STK10: variants seen among roughly 807,000 people sequenced by gnomAD.
STK10 encodes serine/threonine-protein kinase 10.
Under a neutral mutation model 113.8 loss-of-function variants are expected in STK10, and 78 were observed. The observed-to-expected ratio is 0.69, with a 90% CI of 0.57 to 0.83. The LOEUF is 0.83. STK10 is among the 40% of genes least tolerant of loss of function. STK10 has a pLI of 0.00. For missense variants in STK10, 1,109 were observed against 1,280.1 expected (o/e 0.87, Z 2.04); for synonymous variants, 465 against 494.7 (o/e 0.94, Z 0.80).
At position 172,133,040 on chromosome 5, in the gene STK10, A is replaced by G. The variant is rs1431157718; in HGVS notation, c.322-5619T>C. Reference sequence around the variant, plus strand: ...AGGGTAAAGGCACTCCTGGCAGAACACAGAAGCAGAGGTGGGGCAGCAGGG... The same window carrying G: ...AGGGTAAAGGCACTCCTGGCAGAACGCAGAAGCAGAGGTGGGGCAGCAGGG... On this transcript the variant is annotated intron_variant, in intron 2 of 18. Coordinates refer to ENST00000176763, the MANE Select transcript of STK10 (RefSeq NM_005990.4). This position sits in a 1 kb window ranked among gnomAD's most constrained non-coding sequence, Gnocchi z 4.9. Among the ~76,000 whole-genome samples the G allele has an allele frequency of 2.0e-5, 3 of 152,232 alleles. No homozygotes were observed. Among genetic ancestry groups the G allele is most frequent in the African/African-American group, 4.8e-5 (2 of 41,466 alleles).
At chr5:172,101,193 A>G (rs58884872) in intron 7 of STK10, among the ~76,000 whole-genome samples, 15,603 of 152,192 alleles carry the variant, frequency 0.1, 2,662 homozygotes, top group African/African-American at 0.36. Flanking sequence ...AATTTTGGCC[A>G]GGCGTGGTGG....
chr5:172,166,984 A>AC, intron 1 of STK10, among the ~76,000 whole-genome samples: 1 of 151,994 alleles, frequency 6.6e-6, no homozygotes, highest in South Asian at 2.1e-4. Context: ...ACATAGTGAA[A>AC]CCCCGTCTCT....
chr5:172,108,940 A>G (rs553195198), intron 4 of STK10, among the ~76,000 whole-genome samples: 3 of 152,018 alleles, frequency 2.0e-5, no homozygotes, highest in Admixed American at 6.6e-5. Flanking sequence ...ATGTGCCGAC[A>G]TGCCCAGCTA....
In STK10 at chr5:172,063,509, A is replaced by G. The variant is rs572165292; in HGVS notation, c.2082+1211T>C. On this transcript the variant is annotated intron_variant, in intron 13 of 18. Transcript: ENST00000176763. ...ATTTTCAGATTCCCTCAGGATTTCT[A>G]GAAGCAGAAAATCCAAGCCAAAGGA... The G allele has an allele frequency of 2.0e-5, 3 of 152,334 alleles. No individual in the cohort carries two copies. The South Asian group carries it at 6.2e-4, about 32-fold the overall frequency. 9.4% of individuals were successfully genotyped at this position (152,334 alleles called of 1,614,324 possible).
chr5:172,043,330 G>C lies in STK10; in HGVS notation c.*1552C>G, dbSNP rs965852142. ...GGCTAGTCTCGAACTCCTCACCTCA[G>C]GTGAGTCACCATGCCCGGCCTAAAA... On this transcript the variant is annotated 3_prime_UTR_variant, in exon 19 of 19. Coordinates refer to ENST00000176763, the MANE Select transcript of STK10 (RefSeq NM_005990.4). The C allele has an allele frequency of 3.3e-5, 5 of 152,068 alleles. No homozygotes were observed. Among genetic ancestry groups the C allele is most frequent in the African/African-American group, 1.2e-4 (5 of 41,404 alleles). The allele number at this position is 152,068 out of a possible 1,614,324, so 9.4% of individuals were successfully genotyped here. A position where few individuals can be genotyped will look rare whatever the true frequency, so the allele number is the denominator to read the frequency against.
At chr5:172,078,064 T>C (rs1383890558) in intron 12 of STK10, among the ~76,000 whole-genome samples, 1 of 152,164 alleles carries the variant, frequency 6.6e-6, no homozygotes, top group Admixed American at 6.5e-5. Flanking sequence ...TCAAGGGCAA[T>C]AGGCCAGACC....
At chr5:172,136,382 G>A (rs993582382) in intron 2 of STK10, among the ~76,000 whole-genome samples, 7 of 152,214 alleles carry the variant, frequency 4.6e-5, no homozygotes, top group African/African-American at 1.7e-4. Flanking sequence ...GGACACGTGA[G>A]GTCAGGAGTT....
At chr5:172,137,924 G>C (rs926569890) in intron 2 of STK10, among the ~76,000 whole-genome samples, 6 of 149,098 alleles carry the variant, frequency 4.0e-5, no homozygotes, top group Non-Finnish European at 8.9e-5. Context: ...TATATTAAAG[G>C]CCATATATTA....
At chr5:172,050,856 G>A (rs1256736320) in intron 18 of STK10, among the ~76,000 whole-genome samples, 3 of 152,056 alleles carry the variant, frequency 2.0e-5, no homozygotes, top group Non-Finnish European at 4.4e-5. Flanking sequence ...GGGACTACAG[G>A]CATGTGCCAC....
chr5:172,185,732 C>T (rs549877670), intron 1 of STK10, among the ~76,000 whole-genome samples: 13 of 152,314 alleles, frequency 8.5e-5, no homozygotes, highest in African/African-American at 3.1e-4. Context: ...CTGGCAGTGT[C>T]CAGAGACAGT....
rs565042315 is a variant in STK10 at position 172,075,452 on chromosome 5, G to A, written c.1989+6874C>T. Among the ~76,000 whole-genome samples the A allele has an allele frequency of 4.5e-3, 679 of 152,216 alleles. 6 individuals are homozygous for A. Among genetic ancestry groups the A allele is most frequent in the African/African-American group, 0.014 (590 of 41,514 alleles). On this transcript the variant is annotated intron_variant, in intron 12 of 18. Transcript: ENST00000176763. Reference sequence around the variant, plus strand: ...AGCACTTTGGGAGGCCGAGGTGGGCGGATCTTCTGGGGTCAGGAGTTCAAG... The same window carrying A: ...AGCACTTTGGGAGGCCGAGGTGGGCAGATCTTCTGGGGTCAGGAGTTCAAG...
rs147874779 is a variant in STK10 at position 172,187,967 on chromosome 5, C to T, written c.76G>A (p.Val26Ile). The stretch of plus-strand genomic sequence containing the variant: ...TCGTTGGGGTCCAGGTCGCGGCGGA[C>T]GTGCTCATATTCGCGGGACTTTCTC... ...EKRKSREYEH[V>I]RRDLDPNEVW... The change falls in exon 1 of 19, where the codon GTC becomes ATC. Residue 26 changes from valine to isoleucine, a missense_variant. Around this residue, in one of 5 missense-constraint regions of STK10, gnomAD observed 57 missense variants for 53.6 expected, o/e 1.06. Transcript: ENST00000176763. The surrounding 1 kb of genome is among the most constrained non-coding windows in gnomAD (Gnocchi z 4.6). The T allele has an allele frequency of 1.1e-4, 177 of 1,613,634 alleles. 2 individuals carry two copies. In the African/African-American group the frequency reaches 2.0e-3, roughly 19 times the overall value.
chr5:172,084,380 A>G (rs1039751368), intron 10 of STK10, among the ~76,000 whole-genome samples: 4 of 151,166 alleles, frequency 2.6e-5, no homozygotes, highest in Admixed American at 2.0e-4. Context: ...CGCCTGGGCA[A>G]CAAGGGCAAA....
At chr5:172,129,459 C>T (rs1229057642) in intron 2 of STK10, among the ~76,000 whole-genome samples, 1 of 152,218 alleles carries the variant, frequency 6.6e-6, no homozygotes, top group Non-Finnish European at 1.5e-5. Flanking sequence ...TCTAACACTA[C>T]AGTGACCTGT....
intron 2 of STK10, among the ~76,000 whole-genome samples, chr5:172,144,292 C>T (rs1770037905): frequency 6.6e-6 from 1 of 152,254 alleles, no homozygotes; most frequent in Admixed American, 6.5e-5. Flanking sequence ...CTTGTTTCTT[C>T]CTGCGGAAGC....
At chr5:172,089,263 A>G (rs905881244) in intron 10 of STK10, among the ~76,000 whole-genome samples, 4 of 152,202 alleles carry the variant, frequency 2.6e-5, no homozygotes, top group African/African-American at 9.6e-5. Flanking sequence ...TACTTGTTTC[A>G]TGGCATGTAC....
At chr5:172,104,938 T>A (rs925829441) in intron 7 of STK10, among the ~76,000 whole-genome samples, 1 of 152,166 alleles carries the variant, frequency 6.6e-6, no homozygotes, top group Non-Finnish European at 1.5e-5. Context: ...GTGACTGTAC[T>A]GGGAGAGGGC....
intron 1 of STK10, among the ~76,000 whole-genome samples, chr5:172,178,063 G>C (rs1770787423): frequency 6.6e-6 from 1 of 152,170 alleles, no homozygotes; most frequent in Non-Finnish European, 1.5e-5. Context: ...CCTGACCTCA[G>C]GTGATCCACC....
chr5:172,114,473 A>ATTTT (rs546584414), intron 4 of STK10: 19 of 47,540 alleles, frequency 4.0e-4, no homozygotes, highest in African/African-American at 1.3e-3. Context: ...ATATATATAT[A>ATTTT]TTTTTTTTTT....
Sources: allele counts gnomAD v4.1 joint callset (sites outside exome capture counted in the v4.1 genomes callset), GRCh38; gene constraint gnomAD v4.1.1; regional missense constraint gnomAD v4.1.1; non-coding constraint Gnocchi (gnomAD v3.1); transcripts MANE v1.5; gene names NCBI Gene and HGNC (gene_info 2026-07-23, HGNC 2026-07-21).